PRKN: variants seen among roughly 807,000 people sequenced by gnomAD.
PRKN encodes E3 ubiquitin-protein ligase parkin.
In PRKN, 56 loss-of-function variants were observed where a neutral mutation model predicts 59.5. The observed-to-expected ratio is 0.94, with a 90% confidence interval of 0.76 to 1.18. The LOEUF (loss-of-function observed/expected upper bound fraction) is 1.18, where lower values mean the gene tolerates loss of function less well. Among genes scored for constraint, PRKN ranks in the 50% most tolerant of loss-of-function variants. The probability of loss-of-function intolerance (pLI) is 0.00; values close to 1 mark genes in which losing one functional copy is unlikely to be tolerated. For synonymous variants in PRKN, 250 were observed against 222.1 expected (o/e 1.13, Z -1.12); for missense variants, 657 against 596.4 (o/e 1.10, Z -1.06).
At chr6:161,570,776 A>G (rs1780857893) in intron 7 of PRKN, among the ~76,000 whole-genome samples, 1 of 152,156 alleles carries the variant, frequency 6.6e-6, no homozygotes, top group African/African-American at 2.4e-5. Context: ...AGTTCCACAT[A>G]GTTTTTTGAC....
intron 5 of PRKN, among the ~76,000 whole-genome samples, chr6:162,034,262 T>G (rs541100963): frequency 3.3e-5 from 5 of 151,868 alleles, no homozygotes; most frequent in African/African-American, 1.2e-4. Context: ...ACTTTATATA[T>G]TTAGCACCTC....
chr6:162,122,051 G>A lies in PRKN; in HGVS notation c.535-67877C>T, dbSNP rs139518744. ...TTGTTCTTACTGAATCCTCAAAACTGAGTCTCCAGTGTGAAGATATCTGCA... is the reference window on the plus strand; with the variant it reads ...TTGTTCTTACTGAATCCTCAAAACTAAGTCTCCAGTGTGAAGATATCTGCA... On this transcript the variant is annotated intron_variant, in intron 4 of 11. Transcript: ENST00000366898. Among the ~76,000 whole-genome samples the A allele has an allele frequency of 7.2e-4, 110 of 152,280 alleles. 1 individual carries two copies. Among genetic ancestry groups the A allele is most frequent in the African/African-American group, 2.6e-3 (108 of 41,548 alleles).
At chr6:162,350,579 T>C (rs977579368) in intron 2 of PRKN, among the ~76,000 whole-genome samples, 1 of 152,220 alleles carries the variant, frequency 6.6e-6, no homozygotes, top group Non-Finnish European at 1.5e-5. Flanking sequence ...GCAGAATGAA[T>C]AGTCTTTTCA....
intron 6 of PRKN, among the ~76,000 whole-genome samples, chr6:161,822,345 C>T (rs1448807892): frequency 1.3e-5 from 2 of 152,148 alleles, no homozygotes; most frequent in African/African-American, 2.4e-5. Context: ...GTAGACGCAA[C>T]AGCAGAAGCT....
intron 7 of PRKN, among the ~76,000 whole-genome samples, chr6:161,681,914 C>T (rs1785379590): frequency 6.6e-6 from 1 of 152,242 alleles, no homozygotes; most frequent in African/African-American, 2.4e-5. Flanking sequence ...ATGCCAAGAG[C>T]AAAGGGCTCC....
intron 7 of PRKN, among the ~76,000 whole-genome samples, chr6:161,693,300 T>C (rs1785880549): frequency 6.6e-6 from 1 of 152,260 alleles, no homozygotes; most frequent in South Asian, 2.1e-4. Context: ...TAAATCATGG[T>C]GTATTTTTTT....
At chr6:161,883,809 C>T (rs1583296686) in intron 6 of PRKN, among the ~76,000 whole-genome samples, 1 of 152,004 alleles carries the variant, frequency 6.6e-6, no homozygotes, top group Non-Finnish European at 1.5e-5. Flanking sequence ...CGCGCCACCA[C>T]GCCCAGCCAA....
intron 1 of PRKN, among the ~76,000 whole-genome samples, chr6:162,535,130 C>G: frequency 6.6e-6 from 1 of 152,126 alleles, no homozygotes; most frequent in South Asian, 2.1e-4. Flanking sequence ...CTATATCTCA[C>G]CAGAGTCCTT....
intron 2 of PRKN, among the ~76,000 whole-genome samples, chr6:162,437,499 G>A (rs1789835926): frequency 6.6e-6 from 1 of 152,094 alleles, no homozygotes; most frequent in Non-Finnish European, 1.5e-5. Context: ...TGTACTATAA[G>A]CATTGTTACA....
chr6:161,452,707 C>T (rs914663953), intron 9 of PRKN, among the ~76,000 whole-genome samples: 8 of 152,030 alleles, frequency 5.3e-5, no homozygotes, highest in Non-Finnish European at 7.4e-5. Flanking sequence ...CTTGTAGTTG[C>T]GTTATAATCA....
chr6:162,532,544 C>A (rs1778557080), intron 1 of PRKN, among the ~76,000 whole-genome samples: 1 of 152,176 alleles, frequency 6.6e-6, no homozygotes, highest in Non-Finnish European at 1.5e-5. Context: ...TCAAGATGTC[C>A]TCGAGGGTGC....
chr6:161,877,646 T>G (rs970992374), intron 6 of PRKN, among the ~76,000 whole-genome samples: 1 of 151,834 alleles, frequency 6.6e-6, no homozygotes, highest in Admixed American at 6.6e-5. Context: ...TCTTTTGTAT[T>G]TTTAGTAGAG....
intron 2 of PRKN, among the ~76,000 whole-genome samples, chr6:162,439,906 T>A (rs9458555): frequency 0.27 from 40,700 of 152,056 alleles, 5,600 homozygotes; most frequent in African/African-American, 0.34. Flanking sequence ...AATAGCAGAC[T>A]ACTGGTAAAG....
chr6:161,595,347 T>C lies in PRKN; in HGVS notation c.872-25931A>G, dbSNP rs9355353. 6.4e-3 allele frequency among the ~76,000 whole-genome samples: 981 copies of C among 152,222 alleles called. 27 individuals carry two copies. In the East Asian group the frequency reaches 0.078, roughly 12 times the overall value. The stretch of plus-strand genomic sequence containing the variant: ...TGTGGGGCGAGATGTAGGAATTTCA[T>C]ACACACAGACAAGAGGCAGGGGAGC... On this transcript the variant is annotated intron_variant, in intron 7 of 11. Coordinates refer to ENST00000366898, the MANE Select transcript of PRKN (RefSeq NM_004562.3).
intron 5 of PRKN, among the ~76,000 whole-genome samples, chr6:162,014,048 C>T (rs1319484651): frequency 6.6e-6 from 1 of 152,094 alleles, no homozygotes; most frequent in Non-Finnish European, 1.5e-5. Flanking sequence ...GGTCACTGTC[C>T]TAACCTGGGC....
At chr6:162,419,126 G>T (rs1021649113) in intron 2 of PRKN, among the ~76,000 whole-genome samples, 6 of 151,998 alleles carry the variant, frequency 3.9e-5, no homozygotes, top group Admixed American at 6.6e-5. Context: ...TAACTTCGAC[G>T]TTCGTATTAT....
intron 7 of PRKN, among the ~76,000 whole-genome samples, chr6:161,607,210 G>A (rs1782315234): frequency 1.3e-5 from 2 of 152,190 alleles, no homozygotes; most frequent in South Asian, 4.1e-4. Flanking sequence ...CCTGTTCACT[G>A]CTCTACTACA....
At chr6:162,696,566 T>A (rs1777975959) in intron 1 of PRKN, among the ~76,000 whole-genome samples, 1 of 146,682 alleles carries the variant, frequency 6.8e-6, no homozygotes, top group African/African-American at 2.5e-5. Flanking sequence ...AAACTTTTTT[T>A]TTTTTTTCTT....
Position 162,534,260 on chromosome 6 carries a change from C to T in PRKN, c.8-90787G>A, listed in dbSNP as rs61287319. Among the ~76,000 whole-genome samples, 1,399 of 152,234 alleles carry T rather than the reference C, an allele frequency of 9.2e-3. 17 individuals are homozygous for T. Among genetic ancestry groups the T allele is most frequent in the African/African-American group, 0.031 (1,300 of 41,538 alleles). On this transcript the variant is annotated intron_variant, in intron 1 of 11. Transcript: ENST00000366898. ...TCTACTCCAGTTGAACCGGGGTAGGCGTACTCTCTAAGCTACTTCATGTCT... is the reference window on the plus strand; with the variant it reads ...TCTACTCCAGTTGAACCGGGGTAGGTGTACTCTCTAAGCTACTTCATGTCT...
Sources: allele counts gnomAD v4.1 joint callset (sites outside exome capture counted in the v4.1 genomes callset), GRCh38; gene constraint gnomAD v4.1.1; transcripts MANE v1.5; gene names NCBI Gene and HGNC (gene_info 2026-07-23, HGNC 2026-07-21).